The following GDA variants were observed in gnomAD, a reference collection of about 807,000 sequenced individuals.
The protein encoded by GDA is guanine deaminase.
GDA carries 18 observed loss-of-function variants against 59.6 expected under a neutral mutation model. The ratio of observed to expected loss-of-function variants is 0.30; its 90% CI spans 0.21 to 0.45. The LOEUF is 0.45. Ranked by LOEUF, GDA falls within the 20% of genes least tolerant of loss-of-function variation. GDA has a pLI of 1.00. For synonymous variants in GDA, 201 were observed against 201.1 expected (o/e 1.00, Z 0.00); for missense variants, 427 against 552.3 (o/e 0.77, Z 2.27).
intron 3 of GDA, among the ~76,000 whole-genome samples, chr9:72,204,352 G>A (rs1834400413): frequency 6.6e-6 from 1 of 152,026 alleles, no homozygotes; most frequent in South Asian, 2.1e-4. Flanking sequence ...GCTGAAAATT[G>A]CGTAGTATAC....
At chr9:72,239,014 T>G (rs1465003166) in intron 10 of GDA, among the ~76,000 whole-genome samples, 1 of 152,236 alleles carries the variant, frequency 6.6e-6, no homozygotes, top group African/African-American at 2.4e-5. Flanking sequence ...TATTCGTGAT[T>G]TCTCTTTCTA....
chr9:72,180,793 A>G (rs535703001), intron 1 of GDA, among the ~76,000 whole-genome samples: 1 of 152,354 alleles, frequency 6.6e-6, no homozygotes, highest in East Asian at 1.9e-4. Flanking sequence ...TTAGGCAGTA[A>G]CAATTTGCAT....
chr9:72,182,678 C>T (rs1019898279), intron 1 of GDA, among the ~76,000 whole-genome samples: 1 of 152,042 alleles, frequency 6.6e-6, no homozygotes, highest in Non-Finnish European at 1.5e-5. Flanking sequence ...AAATTTTCAC[C>T]CACTAGTTTT....
chr9:72,181,478 C>A (rs1490065324), intron 1 of GDA, among the ~76,000 whole-genome samples: 1 of 152,108 alleles, frequency 6.6e-6, no homozygotes, highest in Non-Finnish European at 1.5e-5. Context: ...GCGCCCGCCA[C>A]CATGCCCAGC....
intron 1 of GDA, among the ~76,000 whole-genome samples, chr9:72,140,424 TG>T (rs2130649412): frequency 6.6e-6 from 1 of 152,220 alleles, no homozygotes; most frequent in Admixed American, 6.5e-5. Context: ...AGTTGGGTGC[TG>T]TAGACAGTGA....
At chr9:72,144,200 C>T (rs192593767) in intron 1 of GDA, among the ~76,000 whole-genome samples, 153 of 152,250 alleles carry the variant, frequency 1.0e-3, no homozygotes, top group African/African-American at 3.5e-3. Flanking sequence ...CCAGCCTGGG[C>T]AACAGAGTGA....
intron 10 of GDA, among the ~76,000 whole-genome samples, chr9:72,232,483 A>G (rs1414559656): frequency 1.3e-5 from 2 of 152,242 alleles, no homozygotes; most frequent in Admixed American, 6.5e-5. Flanking sequence ...ATAATTCTAC[A>G]TAAAGTCACA....
chr9:72,173,307 T>C (rs1022729119), intron 1 of GDA, among the ~76,000 whole-genome samples: 1 of 151,986 alleles, frequency 6.6e-6, no homozygotes, highest in African/African-American at 2.4e-5. Flanking sequence ...TGCCTTCTTC[T>C]GGTGAAATAC....
At chr9:72,223,511 C>G (rs1462344416) in intron 7 of GDA, among the ~76,000 whole-genome samples, 2 of 152,148 alleles carry the variant, frequency 1.3e-5, no homozygotes, top group Admixed American at 1.3e-4. Context: ...GTGGCAAGAT[C>G]AATAACAGAC....
chr9:72,195,603 C>T lies in GDA; in HGVS notation c.212+15C>T, dbSNP rs1224527051. 7.6e-7 allele frequency: 1 copy of T among 1,318,132 alleles called. No homozygotes were observed. The highest frequency in any genetic ancestry group is 2.4e-5 in the East Asian group (1 of 41,914). The allele number at this position is 1,318,132 out of a possible 1,614,324, so 81.7% of individuals were successfully genotyped here. On this transcript the variant is annotated intron_variant, in intron 2 of 13. Transcript: ENST00000358399. ...CTGAGCCACCAGTAAGTTGTTACTT[C>T]TTCCCTTTTACTGGGTGCCACTAAT...
chr9:72,240,383 C>G (rs1408141601), intron 10 of GDA, among the ~76,000 whole-genome samples: 1 of 152,146 alleles, frequency 6.6e-6, no homozygotes, highest in Non-Finnish European at 1.5e-5. Flanking sequence ...CACATATTAT[C>G]TAAATTATCT....
rs190916061 is a variant in GDA at position 72,244,063 on chromosome 9, G to A, written c.1136-1085G>A. ...GTGGTGGTGGGTGCCTGTAGTCCTA[G>A]CTACTCGGGAGGCTGAGGCAGGAGA... On this transcript the variant is annotated intron_variant, in intron 11 of 13. Coordinates refer to ENST00000358399, the MANE Select transcript of GDA (RefSeq NM_004293.5). Among the ~76,000 whole-genome samples the A allele has an allele frequency of 8.0e-4, 121 of 152,042 alleles. 1 individual carries two copies. The Middle Eastern group carries it at 0.014, about 17-fold the overall frequency.
At chr9:72,232,262 A>G (rs1406107704) in intron 10 of GDA, among the ~76,000 whole-genome samples, 3 of 152,174 alleles carry the variant, frequency 2.0e-5, no homozygotes, top group Non-Finnish European at 4.4e-5. Flanking sequence ...GGTGGTTTTC[A>G]TCACTTTCTG....
intron 1 of GDA, among the ~76,000 whole-genome samples, chr9:72,190,252 A>G (rs1420883304): frequency 1.3e-5 from 2 of 151,934 alleles, no homozygotes; most frequent in East Asian, 3.9e-4. Context: ...TCAGCCTCCC[A>G]AGTAGCTGGG....
At chr9:72,217,285 A>G (rs1319911896) in intron 5 of GDA, among the ~76,000 whole-genome samples, 3 of 152,240 alleles carry the variant, frequency 2.0e-5, no homozygotes, top group African/African-American at 7.2e-5. Context: ...CAGAATAAAT[A>G]GCTGTGAGCA....
chr9:72,149,619 C>CA lies in GDA; in HGVS notation c.61dup (p.Thr21AsnfsTer44), dbSNP rs762642433. The CA allele has an allele frequency of 6.2e-7, 1 of 1,611,532 alleles. No individual in the cohort carries two copies. Among genetic ancestry groups the CA allele is most frequent in the South Asian group, 1.1e-5 (1 of 90,998 alleles). On this transcript the variant is annotated frameshift_variant, in exon 1 of 14. Coordinates refer to ENST00000358399, the MANE Select transcript of GDA (RefSeq NM_004293.5). LOFTEE classifies it high-confidence loss of function. The stretch of plus-strand genomic sequence containing the variant: ...TCTTCCGAGGGACGTTCGTCCACTC[C>CA]ACCTGGACCTGCCCCATGGAGGTGC...
At chr9:72,254,456 AAAC>A (rs1373951829), downstream of GDA, among the ~76,000 whole-genome samples, 7 of 149,084 alleles carry the variant, frequency 4.7e-5, no homozygotes, top group South Asian at 2.1e-4. Context: ...ATTAAAAAAA[AAAC>A]AAAAAAACAA....
At chr9:72,221,098 CTA>C (rs1836793187) in intron 6 of GDA, among the ~76,000 whole-genome samples, 1 of 152,168 alleles carries the variant, frequency 6.6e-6, no homozygotes, top group African/African-American at 2.4e-5. Context: ...CACTACCCCT[CTA>C]TGAGTCCTTC....
At chr9:72,121,522 A>T (rs1208190018) in intron 1 of GDA, among the ~76,000 whole-genome samples, 3 of 152,138 alleles carry the variant, frequency 2.0e-5, no homozygotes, top group Admixed American at 1.3e-4. Context: ...ACTTGAACCC[A>T]GGAGGCGGAG....
Sources: allele counts gnomAD v4.1 joint callset (sites outside exome capture counted in the v4.1 genomes callset), GRCh38; gene constraint gnomAD v4.1.1; transcripts MANE v1.5; gene names NCBI Gene and HGNC (gene_info 2026-07-23, HGNC 2026-07-21).